Variants in CES5A observed in about 807,000 individuals in gnomAD.
CES5A encodes carboxylesterase 5.
In CES5A, 67 loss-of-function variants were observed where a neutral mutation model predicts 62.9. The ratio of observed to expected loss-of-function variants is 1.07; its 90% CI spans 0.88 to 1.31. CES5A has a LOEUF of 1.31. CES5A is among the 50% of genes most tolerant of loss of function. The pLI is 0.00. For synonymous variants in CES5A, 296 were observed against 280.8 expected, an observed-to-expected ratio of 1.05 and a Z score of -0.54; for missense variants, 748 against 708.5, an observed-to-expected ratio of 1.06 and a Z score of -0.63.
chr16:55,955,763 T>A, intron 1 of CES5A: 5 of 1,461,926 alleles, frequency 3.4e-6, no homozygotes, highest in South Asian at 1.2e-5. Flanking sequence ...TAAATTTGCA[T>A]CTAATCTAAG....
chr16:55,932,161 C>T (rs1395282500), intron 2 of CES5A, among the ~76,000 whole-genome samples: 1 of 152,170 alleles, frequency 6.6e-6, no homozygotes, highest in Non-Finnish European at 1.5e-5. Context: ...CTTCTCTTCA[C>T]AGCTCATTGG....
intron 8 of CES5A, among the ~76,000 whole-genome samples, chr16:55,858,368 G>A (rs2033284897): frequency 6.6e-6 from 1 of 152,166 alleles, no homozygotes; most frequent in Admixed American, 6.5e-5. Context: ...TTGTTGCTTG[G>A]ACAGCCTGTG....
chr16:55,887,620 T>G (rs1218589203), intron 1 of CES5A, among the ~76,000 whole-genome samples: 1 of 152,098 alleles, frequency 6.6e-6, no homozygotes, highest in African/African-American at 2.4e-5. Context: ...GCCTTAGGTC[T>G]TTTATGGAGA....
In CES5A at chr16:55,849,611, G is replaced by T. The variant is rs1567321862; in HGVS notation, c.1423+13C>A. On this transcript the variant is annotated intron_variant, in intron 11 of 12. Coordinates refer to ENST00000290567, the MANE Select transcript of CES5A (RefSeq NM_001143685.2). ...GGCTTCATGTGAACTGTGGGAAGTG[G>T]CCAGTCCCTTACCGAACATAACAAT... is the stretch of plus-strand genomic sequence containing the variant. 6.2e-7 allele frequency: 1 copy of T among 1,613,670 alleles called. No homozygotes were observed.
upstream of CES5A, among the ~76,000 whole-genome samples, chr16:55,928,229 C>A (rs986879465): frequency 1.6e-4 from 24 of 151,470 alleles, no homozygotes; most frequent in Admixed American, 1.6e-3. Flanking sequence ...GGCGACAGAG[C>A]GAGACTCTGT....
chr16:55,929,564 G>C (rs2142467494), upstream of CES5A, among the ~76,000 whole-genome samples: 1 of 152,228 alleles, frequency 6.6e-6, no homozygotes, highest in East Asian at 1.9e-4. Context: ...ATTAGGGCCA[G>C]GCCCAACATT....
chr16:55,866,026 A>G lies in CES5A; in HGVS notation c.642T>C (p.Gly214=), dbSNP rs2033451197. ...SWVQKNIEFF[G]GDPSSVTIFG... ...AGATGGTCACAGAGCTGGGGTCCCC[A>G]CCGAAGAACTCGATGTTCTTCTGGA... Residue 214 remains glycine, a synonymous_variant, in exon 5 of 13, where the codon GGT becomes GGC. Transcript: ENST00000290567. The G allele has an allele frequency of 6.2e-7, 1 of 1,614,204 alleles. No individual in the cohort carries two copies. The highest frequency in any genetic ancestry group is 8.5e-7 in the Non-Finnish European group (1 of 1,180,026).
chr16:55,954,805 T>C (rs1315916714), intron 1 of CES5A, among the ~76,000 whole-genome samples: 2 of 152,144 alleles, frequency 1.3e-5, no homozygotes, highest in African/African-American at 4.8e-5. Context: ...GAACTAAGCA[T>C]GTATACTTTC....
chr16:55,871,537 T>C (rs1379513856), intron 3 of CES5A, 88 bp downstream of exon 3: 24 of 1,486,802 alleles, frequency 1.6e-5, no homozygotes, highest in Non-Finnish European at 1.8e-5. Context: ...AGGGGGTAGT[T>C]CCAATTCCAG....
chr16:55,920,564 G>A (rs768978276), intron 1 of CES5A, among the ~76,000 whole-genome samples: 21 of 152,180 alleles, frequency 1.4e-4, no homozygotes, highest in South Asian at 4.1e-4. Flanking sequence ...GAAGGACGGC[G>A]AACCTGGGCT....
At chr16:55,874,663 G>A (rs1036855043) in intron 1 of CES5A, among the ~76,000 whole-genome samples, 2 of 152,120 alleles carry the variant, frequency 1.3e-5, no homozygotes, top group Admixed American at 6.5e-5. Flanking sequence ...AAATCAACTC[G>A]TCTACTTCCA....
At chr16:55,915,894 T>C (rs2034143793) in intron 1 of CES5A, among the ~76,000 whole-genome samples, 1 of 152,178 alleles carries the variant, frequency 6.6e-6, no homozygotes, top group Non-Finnish European at 1.5e-5. Flanking sequence ...GTTCAGACAA[T>C]ACAAAGAAAC....
At chr16:55,915,620 T>G (rs1282126603) in intron 1 of CES5A, among the ~76,000 whole-genome samples, 1 of 152,074 alleles carries the variant, frequency 6.6e-6, no homozygotes, top group Non-Finnish European at 1.5e-5. Context: ...GTCTTTAAGC[T>G]CCGCTAGAGG....
chr16:55,901,878 C>T (rs77777194), intron 1 of CES5A, among the ~76,000 whole-genome samples: 3,038 of 152,276 alleles, frequency 0.02, 99 homozygotes, highest in Admixed American at 0.088. Context: ...CTTACAATTA[C>T]ATTGCAGCTG....
Position 55,849,657 on chromosome 16 carries a change from C to A in CES5A, c.1390G>T (p.Gly464Cys). 1 of 1,613,988 alleles carries A rather than the reference C, an allele frequency of 6.2e-7. No individual in the cohort carries two copies. Among genetic ancestry groups the A allele is most frequent in the Non-Finnish European group, 8.5e-7 (1 of 1,179,890 alleles). Residue 464 changes from glycine (G) to cysteine (C), a missense_variant, in exon 11 of 13, where the codon GGT (glycine) becomes TGT (cysteine). By Grantham distance (159) the Gly-to-Cys change is radical. Transcript: ENST00000290567. ...ACAATGTCCCCCTTCAGGAAGGCAC[C>A]ACCGAACACAAAGCGGACTTCATCA... ...HADEVRFVFG[G>C]AFLKGDIVMF...
chr16:55,863,750 T>C (rs1313604048), intron 5 of CES5A, among the ~76,000 whole-genome samples: 1 of 143,840 alleles, frequency 7.0e-6, no homozygotes, highest in Admixed American at 7.0e-5. Flanking sequence ...TTTTTTTATT[T>C]CTTTTTATTT....
chr16:55,889,623 C>T lies in CES5A; in HGVS notation c.-255-15586G>A, dbSNP rs569684925. ...CCCCACCCCTGACCCTAAACCTCCA[C>T]ATGTTCAGCTATCCAGAAGCTCTCC... On this transcript the variant is annotated intron_variant, in intron 1 of 12. Coordinates refer to the CES5A transcript ENST00000518005. 3.3e-5 allele frequency among the ~76,000 whole-genome samples: 5 copies of T among 152,126 alleles called. No individual in the cohort carries two copies. The East Asian group carries it at 5.8e-4, about 18-fold the overall frequency.
At chr16:55,867,751 C>G (rs2033494681) in intron 4 of CES5A, among the ~76,000 whole-genome samples, 1 of 152,234 alleles carries the variant, frequency 6.6e-6, no homozygotes, top group African/African-American at 2.4e-5. Flanking sequence ...TTGGGCAAAT[C>G]ACTTAACCTG....
At chr16:55,933,849 C>T (rs1442502099) in intron 2 of CES5A, among the ~76,000 whole-genome samples, 1 of 152,054 alleles carries the variant, frequency 6.6e-6, no homozygotes, top group Non-Finnish European at 1.5e-5. Flanking sequence ...AGACTAAAAC[C>T]ACATTCTTTG....
Sources: gnomAD v4.1 joint callset for allele counts (sites outside exome capture counted in the v4.1 genomes callset) on GRCh38, gnomAD v4.1.1 for gene constraint, MANE v1.5 for transcripts, NCBI Gene and HGNC (gene_info 2026-07-23, HGNC 2026-07-21) for gene names.